KIF21A: variants seen among roughly 807,000 people sequenced by gnomAD.
KIF21A encodes the protein kinesin-like protein KIF21A.
KIF21A carries 114 observed loss-of-function variants against 202.9 expected under a neutral mutation model. The ratio of observed to expected loss-of-function variants is 0.56; its 90% CI spans 0.48 to 0.66. KIF21A has a LOEUF of 0.66. KIF21A is among the 30% of genes least tolerant of loss of function. KIF21A has a pLI of 0.00. For missense variants in KIF21A, 1,677 were observed against 1,994.9 expected, an observed-to-expected ratio of 0.84 and a Z score of 3.04; for synonymous variants, 667 against 670.8, an observed-to-expected ratio of 0.99 and a Z score of 0.09.
chr12:39,331,952 T>C (rs1312897470), intron 21 of KIF21A, 161 bp from the exon 22 acceptor site: 1 of 708,758 alleles, frequency 1.4e-6, no homozygotes, highest in Admixed American at 2.1e-5. Context: ...TAGGGTTTAG[T>C]TGAAAAGACA....
At chr12:39,381,367 G>A (rs1950604687) in intron 1 of KIF21A, among the ~76,000 whole-genome samples, 1 of 150,490 alleles carries the variant, frequency 6.6e-6, no homozygotes, top group South Asian at 2.1e-4. Flanking sequence ...ACTCTATAAT[G>A]ATAGTAATAC....
chr12:39,434,717 G>C (rs80295063), intron 1 of KIF21A, among the ~76,000 whole-genome samples: 4,206 of 152,190 alleles, frequency 0.028, 78 homozygotes, highest in Non-Finnish European at 0.04. Flanking sequence ...TTATATGAAT[G>C]AATTTTGATC....
At chr12:39,300,800 G>A (rs373251528) in intron 37 of KIF21A, among the ~76,000 whole-genome samples, 10 of 151,914 alleles carry the variant, frequency 6.6e-5, no homozygotes, top group African/African-American at 2.2e-4. Flanking sequence ...TGAGGCCTTC[G>A]CTGACCACCC....
intron 27 of KIF21A, among the ~76,000 whole-genome samples, chr12:39,320,357 T>G (rs1343128567): frequency 6.6e-6 from 1 of 152,158 alleles, no homozygotes; most frequent in Non-Finnish European, 1.5e-5. Flanking sequence ...AAAATTATCT[T>G]TATAGTTTTG....
At position 39,332,428 on chromosome 12, in the gene KIF21A, G is replaced by T; in HGVS notation, c.2857-20C>A. 6.2e-7 allele frequency: 1 copy of T among 1,611,114 alleles called. No individual in the cohort carries two copies. The highest frequency in any genetic ancestry group is 2.2e-5 in the East Asian group (1 of 44,850). The stretch of plus-strand genomic sequence containing the variant: ...CCGTTGCTATTGAGAAAGCAGGTTG[G>T]ATTTTAAGAAATTATGTTCACTTAT... On this transcript the variant is annotated intron_variant, in intron 20 of 37. Coordinates refer to ENST00000361418, the MANE Select transcript of KIF21A (RefSeq NM_001173464.2).
At chr12:39,412,145 T>C (rs1182633110) in intron 1 of KIF21A, among the ~76,000 whole-genome samples, 2 of 152,162 alleles carry the variant, frequency 1.3e-5, no homozygotes, top group Non-Finnish European at 2.9e-5. Context: ...GTGCCCTGCA[T>C]GCTGCTACGT....
chr12:39,318,276 C>A, intron 28 of KIF21A, 75 bp from the exon 29 acceptor site: 2 of 1,447,222 alleles, frequency 1.4e-6, no homozygotes, highest in South Asian at 2.4e-5. Flanking sequence ...AAGAAACATG[C>A]TCTTTTAAAA....
chr12:39,332,492 A>C (rs546023075), intron 20 of KIF21A, 84 bp from the exon 21 acceptor site: 408 of 1,457,694 alleles, frequency 2.8e-4, no homozygotes, highest in Non-Finnish European at 3.4e-4. Flanking sequence ...CCCCCCAAAA[A>C]AAACTTGGTA....
Position 39,315,223 on chromosome 12 carries a change from G to C in KIF21A, c.3959+6C>G. Reference sequence around the variant, plus strand: ...AAATTAATTTCCTCTCCCTTCCCCTGCCTACCTTCTGGAGGATCTGCTGAT... The same window carrying C: ...AAATTAATTTCCTCTCCCTTCCCCTCCCTACCTTCTGGAGGATCTGCTGAT... On this transcript the variant is annotated splice_donor_region_variant and intron_variant, in intron 31 of 37. Coordinates refer to ENST00000361418, the MANE Select transcript of KIF21A (RefSeq NM_001173464.2). 1 of 1,611,628 alleles carries C rather than the reference G, an allele frequency of 6.2e-7. No homozygotes were observed. The highest frequency in any genetic ancestry group is 1.3e-5 in the African/African-American group (1 of 74,862).
At chr12:39,415,088 A>G (rs1240669635) in intron 1 of KIF21A, among the ~76,000 whole-genome samples, 1 of 152,066 alleles carries the variant, frequency 6.6e-6, no homozygotes, top group South Asian at 2.1e-4. Context: ...CCTGAGAAAC[A>G]TTGAAAATCT....
chr12:39,309,475 G>A (rs1257556138), intron 33 of KIF21A, 111 bp downstream of exon 33: 2 of 741,444 alleles, frequency 2.7e-6, no homozygotes, highest in Non-Finnish European at 4.4e-6. Context: ...AAGTGGACAG[G>A]TATACAAAAA....
intron 7 of KIF21A, among the ~76,000 whole-genome samples, chr12:39,358,821 A>G (rs984648092): frequency 6.6e-6 from 1 of 152,232 alleles, no homozygotes; most frequent in African/African-American, 2.4e-5. Context: ...TGAAACAAGA[A>G]GAGTACTTAG....
intron 33 of KIF21A, among the ~76,000 whole-genome samples, chr12:39,309,003 C>A (rs1198752436): frequency 6.6e-6 from 1 of 151,930 alleles, no homozygotes; most frequent in African/African-American, 2.4e-5. Context: ...AATATCACAG[C>A]AAAAAGAATC....
rs778008456 is a variant in KIF21A at position 39,333,279 on chromosome 12, T to C, written c.2420A>G (p.His807Arg). The change falls in exon 18 of 38, where the codon CAT (histidine) becomes CGT (arginine). Residue 807 changes from histidine to arginine, a missense_variant and splice_region_variant. By Grantham distance (29) the His-to-Arg change is conservative. Transcript: ENST00000361418. ...TTGGGCTTCCAGAAGTCTAAGTTGA[T>C]GCTATAAAATAATATTAAATAAGTG... Reference protein sequence around the residue: ...QLKKDQRKRDHQLRLLEAQKR... With the variant: ...QLKKDQRKRDRQLRLLEAQKR... 95 of 1,589,976 alleles carry C rather than the reference T, an allele frequency of 6.0e-5. No homozygotes were observed. Among genetic ancestry groups the C allele is most frequent in the Non-Finnish European group, 8.1e-5 (94 of 1,158,272 alleles).
At chr12:39,335,475 T>C (rs549064603) in intron 17 of KIF21A, among the ~76,000 whole-genome samples, 27 of 150,426 alleles carry the variant, frequency 1.8e-4, no homozygotes, top group African/African-American at 6.1e-4. Context: ...TCAATTTATA[T>C]GCAATGTCCA....
intron 10 of KIF21A, among the ~76,000 whole-genome samples, chr12:39,354,938 G>A (rs1224414841): frequency 1.3e-5 from 2 of 152,118 alleles, no homozygotes; most frequent in African/African-American, 4.8e-5. Context: ...ACTTGCCCAA[G>A]GTCGTACACC....
chr12:39,402,800 T>G lies in KIF21A; in HGVS notation c.45-32539A>C, dbSNP rs147177673. Among the ~76,000 whole-genome samples, 673 of 152,326 alleles carry G rather than the reference T, an allele frequency of 4.4e-3. 5 individuals are homozygous for G. Among genetic ancestry groups the G allele is most frequent in the African/African-American group, 0.015 (629 of 41,568 alleles). ...ATCATTAGTGTTAGCGTATTTTATG[T>G]GTGGCCCAAGACAATTCTTCTTCTT... On this transcript the variant is annotated intron_variant, in intron 1 of 37. Transcript: ENST00000361418.
intron 1 of KIF21A, among the ~76,000 whole-genome samples, chr12:39,376,762 G>C (rs977491905): frequency 6.6e-6 from 1 of 151,956 alleles, no homozygotes; most frequent in Non-Finnish European, 1.5e-5. Flanking sequence ...TGGTTTTTGT[G>C]GTACTTTTCA....
At chr12:39,309,054 C>T in intron 33 of KIF21A, among the ~76,000 whole-genome samples, 1 of 152,070 alleles carries the variant, frequency 6.6e-6, no homozygotes, top group East Asian at 1.9e-4. Flanking sequence ...ATAATGAGCA[C>T]AGAAAAAACA....
Sources: allele counts gnomAD v4.1 joint callset (sites outside exome capture counted in the v4.1 genomes callset), GRCh38; gene constraint gnomAD v4.1.1; transcripts MANE v1.5; gene names NCBI Gene and HGNC (gene_info 2026-07-23, HGNC 2026-07-21).